Variants in CTSV observed in about 807,000 individuals in gnomAD.
CTSV encodes cathepsin V.
CTSV carries 33 observed loss-of-function variants against 35.6 expected under a neutral mutation model. The observed-to-expected ratio is 0.93, with a 90% CI of 0.70 to 1.24. CTSV has a LOEUF of 1.24. CTSV is among the 50% of genes most tolerant of loss of function. CTSV has a pLI of 0.00. For synonymous variants in CTSV, 154 were observed against 147.1 expected (o/e 1.05, Z -0.34); for missense variants, 408 against 413.1 (o/e 0.99, Z 0.11).
intron 6 of CTSV, 93 bp from the exon 7 acceptor site, chr9:97,034,936 A>C: frequency 1.1e-6 from 1 of 880,794 alleles, no homozygotes; most frequent in Non-Finnish European, 1.8e-6. Context: ...GGCATCTCTA[A>C]ATTCAGTAAA....
intron 5 of CTSV, 147 bp downstream of exon 5, chr9:97,036,376 A>G: frequency 1.4e-6 from 1 of 721,340 alleles, no homozygotes; most frequent in Non-Finnish European, 2.4e-6. Context: ...GCCAAAGGCT[A>G]ATAATTTATA....
At chr9:97,038,714 G>C (rs1410681795) in intron 1 of CTSV, among the ~76,000 whole-genome samples, 3 of 152,114 alleles carry the variant, frequency 2.0e-5, no homozygotes, top group Non-Finnish European at 4.4e-5. Flanking sequence ...GGCGGGCCAG[G>C]ACCGGGGCCG....
chr9:97,036,561 C>T lies in CTSV; in HGVS notation c.583G>A (p.Gly195Ser). 6.2e-7 allele frequency: 1 copy of T among 1,614,050 alleles called. No homozygotes were observed. Among genetic ancestry groups the T allele is most frequent in the Non-Finnish European group, 8.5e-7 (1 of 1,179,994 alleles). ...RAFQYVKENG[G>S]LDSEESYPYV... ...GGATAGGATTCCTCAGAGTCCAGGC[C>T]TCCGTTCTCCTTGACATACTGGAAG... The change falls in exon 5 of 8, where the codon GGC becomes AGC. Residue 195 changes from glycine to serine, a missense_variant. Gly to Ser is a moderately conservative substitution (Grantham distance 56). Coordinates refer to ENST00000259470, the MANE Select transcript of CTSV (RefSeq NM_001333.4).
At chr9:97,037,732 C>G in intron 2 of CTSV, 117 bp from the exon 3 acceptor site, 1 of 1,467,666 alleles carries the variant, frequency 6.8e-7, no homozygotes, top group Middle Eastern at 1.9e-4. Context: ...GTTGATACTT[C>G]TCTGGGAGCT....
chr9:97,034,303 T>C (rs1237507826), intron 7 of CTSV, among the ~76,000 whole-genome samples: 4 of 152,162 alleles, frequency 2.6e-5, no homozygotes, highest in Non-Finnish European at 5.9e-5. Flanking sequence ...TGAAATTCGA[T>C]GACAGGGCAT....
upstream of CTSV, chr9:97,039,279 C>G (rs982410391): frequency 6.6e-6 from 1 of 152,224 alleles, no homozygotes; most frequent in African/African-American, 2.4e-5. Flanking sequence ...GCAGCCCAGT[C>G]CCAACCCGTC....
At position 97,036,743 on chromosome 9, in the gene CTSV, T is replaced by G; in HGVS notation, c.401A>C (p.Gln134Pro). The G allele has an allele frequency of 1.1e-5, 18 of 1,589,050 alleles. No homozygotes were observed. The highest frequency in any genetic ancestry group is 1.5e-5 in the Non-Finnish European group (18 of 1,170,532). ...ACTAAAAGCCCAACAAGAACCACAC[T>G]GTTTCTAAAAAGGGAGAAAAAAAAA... is the stretch of plus-strand genomic sequence containing the variant. ...GYVTPVKNQK[Q>P]CGSCWAFSAT... The change falls in exon 5 of 8, where the codon CAG becomes CCG. Residue 134 changes from glutamine to proline, a missense_variant. Transcript: ENST00000259470.
chr9:97,036,558 G>A lies in CTSV; in HGVS notation c.586C>T (p.Leu196=). 2 of 1,614,042 alleles carry A rather than the reference G, an allele frequency of 1.2e-6. No individual in the cohort carries two copies. Among genetic ancestry groups the A allele is most frequent in the South Asian group, 1.1e-5 (1 of 91,082 alleles). ...TATGGATAGGATTCCTCAGAGTCCA[G>A]GCCTCCGTTCTCCTTGACATACTGG... ...AFQYVKENGG[L]DSEESYPYVA... is the part of the protein sequence containing the mutation. Residue 196 remains leucine (L), a synonymous_variant, in exon 5 of 8, where the codon CTG becomes TTG. Transcript: ENST00000259470.
chr9:97,036,788 A>C, intron 4 of CTSV, 41 bp from the exon 5 acceptor site: 1 of 1,452,426 alleles, frequency 6.9e-7, no homozygotes, highest in Non-Finnish European at 9.4e-7. Context: ...TTACAAGACC[A>C]ATACAAATAC....
At chr9:97,034,244 T>C (rs961760150) in intron 7 of CTSV, among the ~76,000 whole-genome samples, 4 of 152,212 alleles carry the variant, frequency 2.6e-5, no homozygotes, top group African/African-American at 7.2e-5. Context: ...AGAATGCTAA[T>C]TGTGAGAAAA....
chr9:97,037,666 T>G, intron 2 of CTSV, 51 bp from the exon 3 acceptor site: 3 of 1,599,182 alleles, frequency 1.9e-6, no homozygotes, highest in Non-Finnish European at 2.6e-6. Flanking sequence ...ACCCAACCCA[T>G]GTTCACCAAG....
chr9:97,037,830 G>A (rs537496078), intron 2 of CTSV, 88 bp downstream of exon 2: 3 of 1,539,480 alleles, frequency 1.9e-6, no homozygotes, highest in South Asian at 2.3e-5. Flanking sequence ...AAGGTCTGGT[G>A]TCTAGAAGCT....
chr9:97,036,891 G>A (rs1180823503), intron 4 of CTSV, 144 bp from the exon 5 acceptor site: 4 of 755,142 alleles, frequency 5.3e-6, no homozygotes, highest in Non-Finnish European at 6.1e-6. Flanking sequence ...GATCACTTGA[G>A]GAGAGGAGTT....
intron 3 of CTSV, 45 bp downstream of exon 3, chr9:97,037,448 G>A (rs748199512): frequency 1.9e-6 from 3 of 1,613,758 alleles, no homozygotes; most frequent in Non-Finnish European, 2.5e-6. Flanking sequence ...TTTTGGTGAA[G>A]AACTGAGAAG....
Position 97,036,604 on chromosome 9 carries a change from A to C in CTSV, c.540T>G (p.Gly180=). 1.2e-6 allele frequency: 2 copies of C among 1,614,094 alleles called. No individual in the cohort carries two copies. Among genetic ancestry groups the C allele is most frequent in the Non-Finnish European group, 1.7e-6 (2 of 1,180,022 alleles). Residue 180 remains glycine, a synonymous_variant, in exon 5 of 8, where the codon GGT becomes GGG. Transcript: ENST00000259470. Reference sequence around the variant, plus strand: ...ACTGGAAGGCCCTAGCCATGAAGCCACCATTGCAGCCCTGATTGCCTTGAG... The same window carrying C: ...ACTGGAAGGCCCTAGCCATGAAGCCCCCATTGCAGCCCTGATTGCCTTGAG... The part of the protein sequence containing the change: ...SRPQGNQGCN[G]GFMARAFQYV...
chr9:97,034,007 G>T (rs976301386), intron 7 of CTSV, among the ~76,000 whole-genome samples: 1 of 152,144 alleles, frequency 6.6e-6, no homozygotes, highest in Non-Finnish European at 1.5e-5. Context: ...TGAGGCAGGA[G>T]AATCACTTGA....
intron 1 of CTSV, 61 bp downstream of exon 1, chr9:97,039,010 G>T (rs1195758355): frequency 6.6e-6 from 1 of 152,452 alleles, no homozygotes; most frequent in South Asian, 2.1e-4. Flanking sequence ...TGTCCCTAAA[G>T]GGGGGTTCCC....
chr9:97,034,928 C>A (rs756565741), intron 6 of CTSV, 85 bp from the exon 7 acceptor site: 1 of 979,838 alleles, frequency 1.0e-6, no homozygotes, highest in Admixed American at 2.0e-5. Flanking sequence ...ATAAGGGAGG[C>A]ATCTCTAAAT....
At chr9:97,036,323 G>A (rs764767723) in intron 5 of CTSV, 200 bp downstream of exon 5, 129 of 598,968 alleles carry the variant, frequency 2.2e-4, no homozygotes, top group Middle Eastern at 1.2e-3. Context: ...CGCCTGTCTC[G>A]GCCTCCCAAA....
Sources: gnomAD v4.1 joint callset for allele counts (sites outside exome capture counted in the v4.1 genomes callset) on GRCh38, gnomAD v4.1.1 for gene constraint, MANE v1.5 for transcripts, NCBI Gene and HGNC (gene_info 2026-07-23, HGNC 2026-07-21) for gene names.